The following PHTF2 variants were observed in gnomAD, a reference collection of about 807,000 sequenced individuals.
PHTF2 encodes protein PHTF2.
A neutral mutation model predicts 101.2 loss-of-function variants in PHTF2; 60 were observed. The observed-to-expected ratio is 0.59, with a 90% CI of 0.48 to 0.73. The LOEUF is 0.73. Ranked by LOEUF, PHTF2 falls within the 30% of genes least tolerant of loss-of-function variation. PHTF2 has a pLI of 0.00. For missense variants in PHTF2, 747 were observed against 908.7 expected (o/e 0.82, Z 2.29); for synonymous variants, 311 against 307.3 (o/e 1.01, Z -0.13).
intron 3 of PHTF2, among the ~76,000 whole-genome samples, chr7:77,882,517 C>G (rs1161169629): frequency 6.6e-6 from 1 of 152,100 alleles, no homozygotes; most frequent in Non-Finnish European, 1.5e-5. Flanking sequence ...AGAGCAAACT[C>G]TTTGCTTATA....
intron 3 of PHTF2, among the ~76,000 whole-genome samples, chr7:77,858,588 T>TTTTG (rs746157310): frequency 4.7e-4 from 71 of 152,214 alleles, no homozygotes; most frequent in African/African-American, 1.7e-3. Context: ...GAGAGGTTTT[T>TTTTG]TTTGTTTGTT....
intron 1 of PHTF2, among the ~76,000 whole-genome samples, chr7:77,826,362 G>C (rs1794697902): frequency 6.6e-6 from 1 of 152,144 alleles, no homozygotes; most frequent in African/African-American, 2.4e-5. Flanking sequence ...ATTTCTTTTG[G>C]CTGCTAATAA....
At chr7:77,910,254 A>G (rs1802256333) in exon 9 of PHTF2, 2 of 1,610,088 alleles carry the variant, frequency 1.2e-6, no homozygotes, top group African/African-American at 2.7e-5. Context: ...GGAAATTAAG[A>G]AAAGCAGCCC....
Position 77,891,860 on chromosome 7 carries a change from G to A in PHTF2, c.148-1748G>A, listed in dbSNP as rs540568290. On this transcript the variant is annotated intron_variant, in intron 3 of 19. Transcript: ENST00000416283. Reference sequence around the variant, plus strand: ...CTCAACCTCCCAAAGTACTGAGATTGCAGGCAAGAGCCACTCTGCACTCAG... The same window carrying A: ...CTCAACCTCCCAAAGTACTGAGATTACAGGCAAGAGCCACTCTGCACTCAG... Among the ~76,000 whole-genome samples, 33 of 152,196 alleles carry A rather than the reference G, an allele frequency of 2.2e-4. 1 individual carries two copies. Among genetic ancestry groups the A allele is most frequent in the African/African-American group, 7.5e-4 (31 of 41,522 alleles).
chr7:77,890,733 G>C (rs1242098884), intron 3 of PHTF2, among the ~76,000 whole-genome samples: 1 of 149,228 alleles, frequency 6.7e-6, no homozygotes, highest in East Asian at 2.0e-4. Context: ...AGCCTCCCAA[G>C]TAACTGGGAC....
intron 2 of PHTF2, among the ~76,000 whole-genome samples, chr7:77,848,226 G>T (rs1175272081): frequency 1.3e-5 from 2 of 152,098 alleles, no homozygotes; most frequent in African/African-American, 2.4e-5. Context: ...ATATACCTAG[G>T]AGTGGGCTTG....
Position 77,830,078 on chromosome 7 carries a change from G to A in PHTF2, c.-35-10143G>A, listed in dbSNP as rs148925491. ...GTAAACATTTGTGTTTAATATAGGC[G>A]AAAAGTTTTAGGAAAATTCAGAGAT... On this transcript the variant is annotated intron_variant, in intron 1 of 19. Coordinates refer to ENST00000416283, the Ensembl canonical transcript of PHTF2. Among the ~76,000 whole-genome samples the A allele has an allele frequency of 2.8e-3, 433 of 152,232 alleles. 1 individual carries two copies. Among genetic ancestry groups the A allele is most frequent in the African/African-American group, 9.8e-3 (409 of 41,534 alleles).
chr7:77,862,815 A>G (rs1797751103), intron 3 of PHTF2, among the ~76,000 whole-genome samples: 1 of 152,238 alleles, frequency 6.6e-6, no homozygotes, highest in Non-Finnish European at 1.5e-5. Flanking sequence ...GAAATAAAGT[A>G]GTAGATTACT....
At chr7:77,822,804 A>G (rs1373273311) in intron 1 of PHTF2, among the ~76,000 whole-genome samples, 12 of 151,514 alleles carry the variant, frequency 7.9e-5, no homozygotes, top group Admixed American at 6.6e-4. Flanking sequence ...TTAGCTGTTT[A>G]TGTGATGCCT....
intron 1 of PHTF2, among the ~76,000 whole-genome samples, chr7:77,817,532 A>G (rs1247677339): frequency 6.6e-6 from 1 of 152,150 alleles, no homozygotes; most frequent in African/African-American, 2.4e-5. Context: ...CCTTTATGAA[A>G]CCATCAGATC....
At chr7:77,839,891 T>G (rs556231799) in intron 1 of PHTF2, among the ~76,000 whole-genome samples, 1 of 152,312 alleles carries the variant, frequency 6.6e-6, no homozygotes, top group South Asian at 2.1e-4. Context: ...ATGAATTGGT[T>G]TCTTGTATGT....
intron 3 of PHTF2, among the ~76,000 whole-genome samples, chr7:77,865,915 G>A (rs1798021232): frequency 6.6e-6 from 1 of 152,048 alleles, no homozygotes; most frequent in Non-Finnish European, 1.5e-5. Flanking sequence ...TGGGCTCGGT[G>A]GCTCATGCCT....
intron 1 of PHTF2, among the ~76,000 whole-genome samples, chr7:77,800,927 T>C (rs1471036884): frequency 6.6e-6 from 1 of 152,228 alleles, no homozygotes; most frequent in African/African-American, 2.4e-5. Context: ...TTCCAAAGCC[T>C]ACATTCCAAG....
At chr7:77,852,991 C>T (rs577856923) in intron 2 of PHTF2, among the ~76,000 whole-genome samples, 149 of 152,122 alleles carry the variant, frequency 9.8e-4, no homozygotes, top group African/African-American at 3.3e-3. Flanking sequence ...TTTCTTTTGC[C>T]AGTTTTAGGC....
intron 1 of PHTF2, among the ~76,000 whole-genome samples, chr7:77,834,643 A>G (rs1051226812): frequency 6.6e-6 from 1 of 152,200 alleles, no homozygotes; most frequent in Non-Finnish European, 1.5e-5. Flanking sequence ...GTTGTGGAAT[A>G]TCTGGCTAGA....
chr7:77,828,867 C>A (rs1369878487), intron 1 of PHTF2, among the ~76,000 whole-genome samples: 1 of 150,964 alleles, frequency 6.6e-6, no homozygotes, highest in East Asian at 1.9e-4. Flanking sequence ...GACTCCATCT[C>A]AAAAAAAATA....
chr7:77,821,515 G>C (rs1332857399), intron 1 of PHTF2, among the ~76,000 whole-genome samples: 1 of 151,954 alleles, frequency 6.6e-6, no homozygotes, highest in African/African-American at 2.4e-5. Flanking sequence ...TCAGGTTTGG[G>C]ACATGGGTAC....
intron 3 of PHTF2, among the ~76,000 whole-genome samples, chr7:77,888,086 A>G (rs1800028629): frequency 6.6e-6 from 1 of 152,152 alleles, no homozygotes; most frequent in Non-Finnish European, 1.5e-5. Context: ...TCAACAAAAC[A>G]TTATTTGAGT....
chr7:77,940,017 T>G lies in PHTF2; in HGVS notation c.1468-13T>G. 2 of 1,576,684 alleles carry G rather than the reference T, an allele frequency of 1.3e-6. No individual in the cohort carries two copies. The highest frequency in any genetic ancestry group is 1.7e-6 in the Non-Finnish European group (2 of 1,160,468). ...TATTTTTCTTTTCTCTCTCTTCCCC[T>G]GGCTCCCTCAAGGTGAACAGCCATA... On this transcript the variant is annotated splice_polypyrimidine_tract_variant and intron_variant, in intron 13 of 19. Coordinates refer to ENST00000416283, the Ensembl canonical transcript of PHTF2.
Sources: gnomAD v4.1 joint callset for allele counts (sites outside exome capture counted in the v4.1 genomes callset) on GRCh38, gnomAD v4.1.1 for gene constraint, MANE v1.5 for transcripts, NCBI Gene and HGNC (gene_info 2026-07-23, HGNC 2026-07-21) for gene names.